The following SGIP1 variants were observed in gnomAD, a reference collection of about 807,000 sequenced individuals.
The protein encoded by SGIP1 is SH3GL interacting endocytic adaptor 1.
A neutral mutation model predicts 107.5 loss-of-function variants in SGIP1; 38 were observed. The observed-to-expected ratio is 0.35, with a 90% CI of 0.27 to 0.46. The LOEUF is 0.46. SGIP1 is among the 20% of genes least tolerant of loss of function. The pLI, the probability that SGIP1 is intolerant of heterozygous loss-of-function variation, is 1.00. For synonymous variants in SGIP1, 365 were observed against 366.1 expected, an observed-to-expected ratio of 1.00 and a Z score of 0.03; for missense variants, 929 against 1,019.5, an observed-to-expected ratio of 0.91 and a Z score of 1.21.
chr1:66,561,098 G>T (rs776670463), intron 1 of SGIP1, among the ~76,000 whole-genome samples: 25 of 152,104 alleles, frequency 1.6e-4, no homozygotes, highest in Non-Finnish European at 2.9e-4. Context: ...CATTAATTGA[G>T]CACCTACTAT....
intron 1 of SGIP1, among the ~76,000 whole-genome samples, chr1:66,625,204 G>C (rs1005700505): frequency 2.6e-5 from 4 of 152,250 alleles, no homozygotes; most frequent in African/African-American, 7.2e-5. Context: ...AGAGACATTT[G>C]GTCTGGGCCT....
At chr1:66,686,723 T>C (rs2088395815) in intron 15 of SGIP1, among the ~76,000 whole-genome samples, 1 of 152,216 alleles carries the variant, frequency 6.6e-6, no homozygotes, top group Non-Finnish European at 1.5e-5. Flanking sequence ...TCGTTCTAGC[T>C]GCACAAGAAA....
intron 1 of SGIP1, among the ~76,000 whole-genome samples, chr1:66,568,765 A>G (rs1159166980): frequency 1.3e-5 from 2 of 151,992 alleles, no homozygotes; most frequent in Non-Finnish European, 2.9e-5. Flanking sequence ...AATGACAAAA[A>G]CCACATGATT....
chr1:66,655,149 C>T (rs1228886559), intron 7 of SGIP1, among the ~76,000 whole-genome samples: 4 of 151,916 alleles, frequency 2.6e-5, no homozygotes, highest in Admixed American at 2.6e-4. Context: ...AGCAATAAGC[C>T]GCATTGGAGC....
At chr1:66,608,830 C>G (rs765555149) in intron 1 of SGIP1, among the ~76,000 whole-genome samples, 2 of 152,200 alleles carry the variant, frequency 1.3e-5, no homozygotes, top group Admixed American at 6.5e-5. Flanking sequence ...CTTATCTCAC[C>G]TTTCCTTCTG....
At chr1:66,590,108 T>C (rs2063380641) in intron 1 of SGIP1, among the ~76,000 whole-genome samples, 4 of 152,190 alleles carry the variant, frequency 2.6e-5, no homozygotes, top group African/African-American at 9.7e-5. Flanking sequence ...AAAATCAAAA[T>C]GATGTCATTC....
intron 2 of SGIP1, among the ~76,000 whole-genome samples, chr1:66,627,189 T>C (rs1216986771): frequency 6.6e-6 from 1 of 152,078 alleles, no homozygotes; most frequent in Non-Finnish European, 1.5e-5. Context: ...GCAACTAAGA[T>C]GGGATTTCAT....
chr1:66,574,713 C>T (rs1447275951), intron 1 of SGIP1, among the ~76,000 whole-genome samples: 1 of 152,058 alleles, frequency 6.6e-6, no homozygotes, highest in Non-Finnish European at 1.5e-5. Flanking sequence ...CTTTCTTATA[C>T]CTGTTGTTTT....
Position 66,729,285 on chromosome 1 carries a change from AG to A in SGIP1, c.1765del (p.Glu589LysfsTer23), listed in dbSNP as rs1322124324. 1 of 1,613,974 alleles carries A rather than the reference AG, an allele frequency of 6.2e-7. No homozygotes were observed. On this transcript the variant is annotated frameshift_variant, in exon 20 of 25. Transcript: ENST00000371037. LOFTEE classifies it high-confidence loss of function. ...CCAGATGTATCGTTAAGATTACCGG[AG>A]AAATGGTGTTGTCATTTCCTGCTGG... ...PSKCIVKITG[E>X]MVLSFPAGIT...
chr1:66,702,888 G>T (rs2092100441), intron 18 of SGIP1, among the ~76,000 whole-genome samples: 1 of 152,186 alleles, frequency 6.6e-6, no homozygotes, highest in Admixed American at 6.5e-5. Context: ...AGTGTCAGCT[G>T]CACTTCCCTG....
chr1:66,640,020 G>T (rs1441344245), intron 5 of SGIP1, among the ~76,000 whole-genome samples, 187 bp downstream of exon 5: 1 of 152,154 alleles, frequency 6.6e-6, no homozygotes, highest in Admixed American at 6.5e-5. Context: ...TCTTGTCCAA[G>T]CTTGTCTAAC....
In SGIP1 at chr1:66,603,474, T is replaced by C. The variant is rs186200151; in HGVS notation, c.11-22373T>C. On this transcript the variant is annotated intron_variant, in intron 1 of 24. Coordinates refer to ENST00000371037, the MANE Select transcript of SGIP1 (RefSeq NM_032291.4). ...TCATATATTATAAAGAATTAAAGAATTTTTTAACTGAAACTAAAGGACTAG... is the reference window on the plus strand; with the variant it reads ...TCATATATTATAAAGAATTAAAGAACTTTTTAACTGAAACTAAAGGACTAG... 7.9e-4 allele frequency among the ~76,000 whole-genome samples: 120 copies of C among 152,226 alleles called. 1 individual carries two copies. Among genetic ancestry groups the C allele is most frequent in the African/African-American group, 2.4e-3 (99 of 41,566 alleles).
chr1:66,663,923 A>G lies in SGIP1; in HGVS notation c.471+3399A>G, dbSNP rs887632322. On this transcript the variant is annotated intron_variant, in intron 8 of 24. Transcript: ENST00000371037. ...TTAAAAGTAATAGCAAAAAACCGCAATTACTTTTGCACCTACTTTAATAAT... is the reference window on the plus strand; with the variant it reads ...TTAAAAGTAATAGCAAAAAACCGCAGTTACTTTTGCACCTACTTTAATAAT... Among the ~76,000 whole-genome samples, 13 of 152,160 alleles carry G rather than the reference A, an allele frequency of 8.5e-5. No individual in the cohort carries two copies. The South Asian group carries it at 1.7e-3, about 19-fold the overall frequency.
intron 1 of SGIP1, among the ~76,000 whole-genome samples, chr1:66,602,603 C>T: frequency 6.6e-6 from 1 of 151,968 alleles, no homozygotes; most frequent in East Asian, 1.9e-4. Flanking sequence ...AACAAACCTG[C>T]ACGTTGTGCA....
At chr1:66,644,263 C>T (rs1009009799) in intron 7 of SGIP1, among the ~76,000 whole-genome samples, 3 of 151,904 alleles carry the variant, frequency 2.0e-5, no homozygotes, top group Non-Finnish European at 2.9e-5. Context: ...ATAATCTCAT[C>T]TTTAAGGTAC....
intron 1 of SGIP1, among the ~76,000 whole-genome samples, chr1:66,572,532 T>C (rs1174325932): frequency 1.3e-5 from 2 of 152,210 alleles, no homozygotes; most frequent in East Asian, 3.9e-4. Flanking sequence ...TCCCAGGCTG[T>C]TTAGCTGCAA....
At position 66,681,853 on chromosome 1, in the gene SGIP1, A is replaced by C. The variant is rs549514664; in HGVS notation, c.815-16A>C. The C allele has an allele frequency of 1.9e-6, 3 of 1,587,888 alleles. No homozygotes were observed. The East Asian group carries it at 6.7e-5, about 36-fold the overall frequency. On this transcript the variant is annotated splice_polypyrimidine_tract_variant and intron_variant, in intron 14 of 24. Coordinates refer to ENST00000371037, the MANE Select transcript of SGIP1 (RefSeq NM_032291.4). Reference sequence around the variant, plus strand: ...ATAAGTCAATTAAAGTTTAAAATCAACTACTTTAACCACAGGAAATGACCA... The same window carrying C: ...ATAAGTCAATTAAAGTTTAAAATCACCTACTTTAACCACAGGAAATGACCA...
rs1322064289 is a variant in SGIP1 at position 66,744,782 on chromosome 1, T to C, written c.*1687T>C. 6.6e-6 allele frequency: 1 copy of C among 152,436 alleles called. No homozygotes were observed. Among genetic ancestry groups the C allele is most frequent in the Non-Finnish European group, 1.5e-5 (1 of 67,914 alleles). 9.4% of individuals were successfully genotyped at this position (152,436 alleles called of 1,614,324 possible). On this transcript the variant is annotated 3_prime_UTR_variant, in exon 25 of 25. Transcript: ENST00000371037. The stretch of plus-strand genomic sequence containing the variant: ...AATGATTTGTTTTACCATGGGAAAA[T>C]TCTTACTATTCAACAAACTCTCAGT...
At chr1:66,710,312 T>G (rs1212302008) in intron 18 of SGIP1, among the ~76,000 whole-genome samples, 1 of 152,148 alleles carries the variant, frequency 6.6e-6, no homozygotes, top group Non-Finnish European at 1.5e-5. Flanking sequence ...ACTAAATGCA[T>G]CTGGTGCTGA....
Sources: gnomAD v4.1 joint callset for allele counts (sites outside exome capture counted in the v4.1 genomes callset) on GRCh38, gnomAD v4.1.1 for gene constraint, MANE v1.5 for transcripts, NCBI Gene and HGNC (gene_info 2026-07-23, HGNC 2026-07-21) for gene names.